The following SEMA6D variants were observed in gnomAD, a reference collection of about 807,000 sequenced individuals.
SEMA6D encodes the protein semaphorin 6D, also known as semaphorin-6D.
In SEMA6D, 35 loss-of-function variants were observed where a neutral mutation model predicts 106.6. The ratio of observed to expected loss-of-function variants is 0.33; its 90% CI spans 0.25 to 0.44. The LOEUF is 0.44. SEMA6D is among the 20% of genes least tolerant of loss of function. The pLI is 1.00. For synonymous variants in SEMA6D, 499 were observed against 487.7 expected (o/e 1.02, Z -0.31); for missense variants, 1,185 against 1,345.9 (o/e 0.88, Z 1.87).
At position 47,245,781 on chromosome 15, in the gene SEMA6D, A is replaced by T. The variant is rs192703767; in HGVS notation, c.-239+61363A>T. Among the ~76,000 whole-genome samples the T allele has an allele frequency of 4.6e-5, 7 of 152,286 alleles. No homozygotes were observed. The East Asian group carries it at 1.4e-3, about 29-fold the overall frequency. ...GAGATCTGTTTGTATCCTGAACATT[A>T]AATACAAAAAGGTGAGAGGATTCTA... On this transcript the variant is annotated intron_variant, in intron 1 of 19. Transcript: ENST00000558014.
intron 1 of SEMA6D, among the ~76,000 whole-genome samples, chr15:47,217,866 T>TACAC (rs1330992010): frequency 3.3e-3 from 198 of 59,318 alleles, no homozygotes; most frequent in Non-Finnish European, 3.3e-3. Context: ...TGCTTGCATG[T>TACAC]ACACACATAC....
chr15:47,410,534 TAGTC>T (rs1383393671), intron 1 of SEMA6D, among the ~76,000 whole-genome samples: 1 of 152,190 alleles, frequency 6.6e-6, no homozygotes, highest in Non-Finnish European at 1.5e-5. Flanking sequence ...TTGTCGACCA[TAGTC>T]AGATAATACA....
intron 4 of SEMA6D, among the ~76,000 whole-genome samples, chr15:47,708,140 C>T (rs2078948486): frequency 6.6e-6 from 1 of 152,202 alleles, no homozygotes; most frequent in African/African-American, 2.4e-5. Context: ...AGCTTGAGAG[C>T]TGTCTCTCAC....
At chr15:47,278,189 C>T (rs572264094) in intron 1 of SEMA6D, among the ~76,000 whole-genome samples, 6 of 152,202 alleles carry the variant, frequency 3.9e-5, no homozygotes, top group African/African-American at 1.4e-4. Flanking sequence ...AATTGCCACA[C>T]TGACTTCCAC....
At chr15:47,679,495 C>G (rs1381030434) in intron 4 of SEMA6D, among the ~76,000 whole-genome samples, 1 of 152,166 alleles carries the variant, frequency 6.6e-6, no homozygotes, top group Non-Finnish European at 1.5e-5. Flanking sequence ...AAAGAAAATG[C>G]CTGGTTTCCC....
rs372621263 is a variant in SEMA6D, at chr15:47,650,559, A to C, written c.-55+49663A>C. Among the ~76,000 whole-genome samples, 245 of 152,340 alleles carry C rather than the reference A, an allele frequency of 1.6e-3. 1 individual carries two copies. Among genetic ancestry groups the C allele is most frequent in the African/African-American group, 5.7e-3 (237 of 41,588 alleles). On this transcript the variant is annotated intron_variant, in intron 4 of 19. Transcript: ENST00000558014. The stretch of plus-strand genomic sequence containing the variant: ...TTCCCTGTCAATAGATTGAGGTACA[A>C]TGAATTTATATAGTGATTGGCAGCA...
At chr15:47,708,459 C>T (rs370233649) in intron 4 of SEMA6D, among the ~76,000 whole-genome samples, 2 of 152,212 alleles carry the variant, frequency 1.3e-5, no homozygotes, top group East Asian at 3.8e-4. Context: ...CTTTTACAAC[C>T]TGCAGTATTA....
intron 4 of SEMA6D, among the ~76,000 whole-genome samples, chr15:47,640,646 T>C (rs73392816): frequency 0.033 from 5,040 of 152,236 alleles, 284 homozygotes; most frequent in African/African-American, 0.12. Flanking sequence ...GGTGATGTAT[T>C]GGAGGTATTG....
intron 1 of SEMA6D, among the ~76,000 whole-genome samples, chr15:47,402,154 G>A (rs1377918750): frequency 6.6e-6 from 1 of 152,158 alleles, no homozygotes; most frequent in Non-Finnish European, 1.5e-5. Context: ...TGTAGTTGAT[G>A]CCACTGCAGA....
chr15:47,375,080 A>T (rs557313722), intron 1 of SEMA6D, among the ~76,000 whole-genome samples: 1 of 152,238 alleles, frequency 6.6e-6, no homozygotes, highest in Non-Finnish European at 1.5e-5. Flanking sequence ...TTTTGTTCGT[A>T]TTGCTCCTTG....
At position 47,602,533 on chromosome 15, in the gene SEMA6D, C is replaced by CT. The variant is rs371143869; in HGVS notation, c.-55+1649dup. On this transcript the variant is annotated intron_variant, in intron 4 of 19. Transcript: ENST00000558014. The stretch of plus-strand genomic sequence containing the variant: ...TGGGGAGAGATTGGATACAGGTAGA[C>CT]TTTTTTTTTTTTCATTTACTGATCA... Among the ~76,000 whole-genome samples the CT allele has an allele frequency of 1.7e-3, 242 of 145,438 alleles. 1 individual carries two copies. The highest frequency in any genetic ancestry group is 4.7e-3 in the African/African-American group (186 of 39,970).
At chr15:47,524,136 G>T (rs1007752444) in intron 3 of SEMA6D, among the ~76,000 whole-genome samples, 1 of 152,178 alleles carries the variant, frequency 6.6e-6, no homozygotes, top group Non-Finnish European at 1.5e-5. Context: ...TGGCTTCAGT[G>T]TATAATTTAG....
chr15:47,293,200 T>C (rs1256982867), intron 1 of SEMA6D, among the ~76,000 whole-genome samples: 1 of 152,158 alleles, frequency 6.6e-6, no homozygotes, highest in African/African-American at 2.4e-5. Flanking sequence ...TGCATGAAGC[T>C]CTCATCCTCC....
intron 1 of SEMA6D, among the ~76,000 whole-genome samples, chr15:47,403,003 A>C (rs1319062810): frequency 6.6e-6 from 1 of 152,206 alleles, no homozygotes; most frequent in Admixed American, 6.5e-5. Flanking sequence ...TGTCCTGTTC[A>C]CAGCAGAATC....
intron 4 of SEMA6D, among the ~76,000 whole-genome samples, chr15:47,619,727 T>C (rs1337631026): frequency 2.0e-5 from 3 of 152,208 alleles, no homozygotes; most frequent in Non-Finnish European, 2.9e-5. Context: ...AATGGAGTGC[T>C]CTTTAGTGTG....
intron 1 of SEMA6D, among the ~76,000 whole-genome samples, chr15:47,232,887 A>G (rs1033478745): frequency 3.9e-5 from 6 of 151,922 alleles, no homozygotes; most frequent in Admixed American, 6.6e-5. Flanking sequence ...TGGGTTGTCT[A>G]TTTACTTTCA....
intron 1 of SEMA6D, among the ~76,000 whole-genome samples, chr15:47,227,882 C>CATACATATTTTATATATATAAGAATCTT (rs2031854678): frequency 2.0e-5 from 2 of 100,170 alleles, no homozygotes; most frequent in Non-Finnish European, 3.9e-5. Flanking sequence ...ATATAAGAAT[C>CATACATATTTTATATATATAAGAATCTT]ATATATATTT....
intron 3 of SEMA6D, among the ~76,000 whole-genome samples, chr15:47,480,806 A>G (rs2141293136): frequency 6.6e-6 from 1 of 152,322 alleles, no homozygotes; most frequent in African/African-American, 2.4e-5. Flanking sequence ...TAACAAAACC[A>G]TAATAACATA....
At chr15:47,737,890 A>C (rs993863769) in intron 1 of SEMA6D, among the ~76,000 whole-genome samples, 19 of 152,194 alleles carry the variant, frequency 1.2e-4, no homozygotes, top group African/African-American at 4.3e-4. Context: ...GTACTAATTT[A>C]CCCTGCCATG....
Sources: gnomAD v4.1 joint callset for allele counts (sites outside exome capture counted in the v4.1 genomes callset) on GRCh38, gnomAD v4.1.1 for gene constraint, MANE v1.5 for transcripts, NCBI Gene and HGNC (gene_info 2026-07-23, HGNC 2026-07-21) for gene names.